Variants in DNAH2 observed in about 807,000 individuals in gnomAD.
DNAH2 encodes the protein axonemal beta dynein heavy chain 2.
A neutral mutation model predicts 523.5 loss-of-function variants in DNAH2; 323 were observed. The observed-to-expected ratio is 0.62, with a 90% confidence interval of 0.56 to 0.68. The LOEUF (loss-of-function observed/expected upper bound fraction) is 0.68. Ranked by LOEUF, DNAH2 falls within the 30% of genes least tolerant of loss-of-function variation. DNAH2 has a pLI of 0.00. For synonymous variants in DNAH2, 2,093 were observed against 2,177.4 expected, an observed-to-expected ratio of 0.96 and a Z score of 1.08; for missense variants, 4,907 against 5,701.5, an observed-to-expected ratio of 0.86 and a Z score of 4.49.
At chr17:7,823,706 C>G in intron 74 of DNAH2, 78 bp downstream of exon 74, 1 of 1,582,450 alleles carries the variant, frequency 6.3e-7, no homozygotes, top group Non-Finnish European at 8.6e-7. Flanking sequence ...CCATTGTCCT[C>G]CATCCCCTCT....
chr17:7,796,745 C>T (rs138420351), intron 50 of DNAH2, 93 bp downstream of exon 50: 16,107 of 1,403,280 alleles, frequency 0.011, 133 homozygotes, highest in Non-Finnish European at 0.013. Context: ...CACTAGCATG[C>T]GCACCAAAAG....
chr17:7,771,290 G>A (rs1302718797), intron 27 of DNAH2, 40 bp from the exon 28 acceptor site: 1 of 1,613,154 alleles, frequency 6.2e-7, no homozygotes, highest in Admixed American at 1.7e-5. Flanking sequence ...TGGAGAGTGT[G>A]TAAGAAGTGG....
At chr17:7,738,806 A>T (rs2075218895) in intron 8 of DNAH2, 2 of 584,836 alleles carry the variant, frequency 3.4e-6, no homozygotes, top group Middle Eastern at 3.9e-4. Context: ...GGGATTCAGG[A>T]GGGTTGTTTC....
Position 7,787,910 on chromosome 17 carries a change from T to A in DNAH2, c.6654T>A (p.Thr2218=), listed in dbSNP as rs181709188. 1 of 1,614,052 alleles carries A rather than the reference T, an allele frequency of 6.2e-7. No homozygotes were observed. The highest frequency in any genetic ancestry group is 8.5e-7 in the Non-Finnish European group (1 of 1,180,028). The change falls in exon 43 of 86, where the codon ACT becomes ACA. Residue 2218 remains threonine, a synonymous_variant. Coordinates refer to ENST00000572933, the MANE Select transcript of DNAH2 (RefSeq NM_020877.5). ...ACCTGGCAATGGCCTCTCCGGCCACTGTATCCCGCTGCGGGATGGTCTACA... is the reference window on the plus strand; with the variant it reads ...ACCTGGCAATGGCCTCTCCGGCCACAGTATCCCGCTGCGGGATGGTCTACA... ...VEDLAMASPA[T]VSRCGMVYTD... is the part of the protein sequence containing the mutation.
intron 28 of DNAH2, among the ~76,000 whole-genome samples, chr17:7,772,251 A>G (rs1222733977): frequency 2.0e-5 from 3 of 152,152 alleles, no homozygotes; most frequent in Non-Finnish European, 4.4e-5. Context: ...ACCTAGGGCT[A>G]GTCTTAACAG....
intron 12 of DNAH2, among the ~76,000 whole-genome samples, chr17:7,755,398 C>T (rs886830567): frequency 1.3e-5 from 2 of 151,410 alleles, no homozygotes; most frequent in East Asian, 1.9e-4. Flanking sequence ...GGAGGACAGT[C>T]GGATTTAGCC....
In DNAH2 at chr17:7,809,977, C is replaced by A. The variant is rs562725331; in HGVS notation, c.9729+2391C>A. On this transcript the variant is annotated intron_variant, in intron 63 of 85. Transcript: ENST00000572933. Reference sequence around the variant, plus strand: ...TTGTTGGGATTACAGGTGTGAGCCACCGTGCCCCGAAATGTACCTTCCTTT... The same window carrying A: ...TTGTTGGGATTACAGGTGTGAGCCAACGTGCCCCGAAATGTACCTTCCTTT... 2.0e-5 allele frequency among the ~76,000 whole-genome samples: 3 copies of A among 152,130 alleles called. No homozygotes were observed. In the East Asian group the frequency reaches 5.8e-4, roughly 29 times the overall value.
chr17:7,758,870 G>A lies in DNAH2; in HGVS notation c.2209-15G>A, dbSNP rs773564348. The A allele has an allele frequency of 5.6e-6, 9 of 1,611,984 alleles. No homozygotes were observed. Among genetic ancestry groups the A allele is most frequent in the African/African-American group, 2.7e-5 (2 of 74,886 alleles). On this transcript the variant is annotated splice_polypyrimidine_tract_variant and intron_variant, in intron 14 of 85. Coordinates refer to ENST00000572933, the MANE Select transcript of DNAH2 (RefSeq NM_020877.5). ...TCCCGAGCTGAAACTCCCCCATGAC[G>A]GGGCCTGACTCTAGGTGCAGATGAT... is the stretch of plus-strand genomic sequence containing the variant.
intron 35 of DNAH2, 73 bp downstream of exon 35, chr17:7,778,542 A>G: frequency 1.4e-6 from 2 of 1,395,700 alleles, no homozygotes; most frequent in Non-Finnish European, 1.9e-6. Flanking sequence ...CTGAAACCCA[A>G]ATCTGGTTCA....
rs1448194986 is a variant in DNAH2 at position 7,727,127 on chromosome 17, C to T, written c.234C>T (p.Pro78=). ...CCTCTGCTCTCCTTCTGTAGAAGCC[C>T]CTCTTCCTTTCCCGAGCTGCGCTGA... ...ESVEPEADVK[P]LFLSRAALTG... Residue 78 remains proline (P), a synonymous_variant, in exon 4 of 86, where the codon CCC becomes CCT. Coordinates refer to ENST00000572933, the MANE Select transcript of DNAH2 (RefSeq NM_020877.5). The T allele has an allele frequency of 3.8e-6, 6 of 1,560,522 alleles. No individual in the cohort carries two copies. Among genetic ancestry groups the T allele is most frequent in the South Asian group, 1.2e-5 (1 of 81,522 alleles).
At chr17:7,759,373 G>T (rs746311235) in intron 15 of DNAH2, 49 bp from the exon 16 acceptor site, 1 of 1,564,956 alleles carries the variant, frequency 6.4e-7, no homozygotes, top group South Asian at 1.2e-5. Flanking sequence ...CCCAGGATGT[G>T]CCCTGTCTTC....
At chr17:7,741,088 C>A in intron 11 of DNAH2, 96 bp downstream of exon 11, 1 of 1,450,422 alleles carries the variant, frequency 6.9e-7, no homozygotes, top group Non-Finnish European at 9.2e-7. Flanking sequence ...GTCTTCAGGA[C>A]CAGCACCTAT....
intron 63 of DNAH2, among the ~76,000 whole-genome samples, chr17:7,811,583 C>T (rs1298171757): frequency 6.6e-6 from 1 of 152,192 alleles, no homozygotes; most frequent in Non-Finnish European, 1.5e-5. Context: ...AATCAAGGTG[C>T]AAGTACATTC....
Position 7,759,123 on chromosome 17 carries a change from A to G in DNAH2, c.2447A>G (p.Glu816Gly). The G allele has an allele frequency of 1.2e-6, 2 of 1,613,838 alleles. No homozygotes were observed. Among genetic ancestry groups the G allele is most frequent in the Non-Finnish European group, 1.7e-6 (2 of 1,179,924 alleles). ...GAGGTCTTCAAGAATGATGGTCCTGAGGTAGGGTTCCTGTGGCCAGGATGT... is the reference window on the plus strand; with the variant it reads ...GAGGTCTTCAAGAATGATGGTCCTGGGGTAGGGTTCCTGTGGCCAGGATGT... ...SYEVFKNDGP[E>G]IQQQWMLYMI... The change falls in exon 15 of 86, where the codon GAG becomes GGG. Residue 816 changes from glutamate to glycine, a missense_variant and splice_region_variant. Physicochemically the swap from Glu to Gly is moderately conservative, Grantham distance 98. Transcript: ENST00000572933.
Position 7,734,171 on chromosome 17 carries a change from T to C in DNAH2, c.629-12T>C, listed in dbSNP as rs1354172381. 1 of 1,574,412 alleles carries C rather than the reference T, an allele frequency of 6.4e-7. No homozygotes were observed. Among genetic ancestry groups the C allele is most frequent in the East Asian group, 2.3e-5 (1 of 43,152 alleles). ...CCCCTCTGTCCACTTCCACAAACTT[T>C]CCTTTCCTTAGACACTCGGTACAAA... On this transcript the variant is annotated splice_polypyrimidine_tract_variant and intron_variant, in intron 5 of 85. Transcript: ENST00000572933.
At chr17:7,775,435 C>G (rs1350531114) in intron 30 of DNAH2, 93 bp downstream of exon 30, 2 of 1,254,606 alleles carry the variant, frequency 1.6e-6, no homozygotes, top group Non-Finnish European at 2.2e-6. Context: ...CTTGTAATCC[C>G]AGCACTTTGG....
Position 7,764,121 on chromosome 17 carries a change from AGCCGCCCTCC to A in DNAH2, c.3187_3196del (p.Pro1064HisfsTer15). The A allele has an allele frequency of 6.2e-7, 1 of 1,614,184 alleles. No homozygotes were observed. The highest frequency in any genetic ancestry group is 8.5e-7 in the Non-Finnish European group (1 of 1,180,030). ...ACTCCCTTTGCCCGCCTTCAGAATCAGCCGCCCTCCGCAGACACTGGAGGAACTGGGGGTC... is the reference window on the plus strand; with the variant it reads ...ACTCCCTTTGCCCGCCTTCAGAATCAGCAGACACTGGAGGAACTGGGGGTC... On this transcript the variant is annotated frameshift_variant, in exon 20 of 86. Transcript: ENST00000572933. LOFTEE classifies it high-confidence loss of function.
At position 7,775,358 on chromosome 17, in the gene DNAH2, G is replaced by A. The variant is rs753465909; in HGVS notation, c.4821+16G>A. On this transcript the variant is annotated intron_variant, in intron 30 of 85. Transcript: ENST00000572933. Reference sequence around the variant, plus strand: ...CCCTGTGGAGGTGAGTTGTGGTGAGGGTCTGAGGACCTAGCTGATTCTTCT... The same window carrying A: ...CCCTGTGGAGGTGAGTTGTGGTGAGAGTCTGAGGACCTAGCTGATTCTTCT... 1.2e-6 allele frequency: 2 copies of A among 1,601,760 alleles called. No individual in the cohort carries two copies. The highest frequency in any genetic ancestry group is 1.7e-6 in the Non-Finnish European group (2 of 1,172,672).
At chr17:7,802,990 G>T (rs1453395793) in intron 58 of DNAH2, among the ~76,000 whole-genome samples, 1 of 151,990 alleles carries the variant, frequency 6.6e-6, no homozygotes, top group Admixed American at 6.6e-5. Flanking sequence ...AAATATTTTT[G>T]ATCCTCTGTT....
Sources: allele counts gnomAD v4.1 joint callset (sites outside exome capture counted in the v4.1 genomes callset), GRCh38; gene constraint gnomAD v4.1.1; transcripts MANE v1.5; gene names NCBI Gene and HGNC (gene_info 2026-07-23, HGNC 2026-07-21).